MAST2: variants seen among roughly 807,000 people sequenced by gnomAD.
MAST2 encodes microtubule-associated serine/threonine-protein kinase 2.
Under a neutral mutation model 147.4 loss-of-function variants are expected in MAST2, and 70 were observed. The ratio of observed to expected loss-of-function variants is 0.47; its 90% CI spans 0.39 to 0.58. The LOEUF is 0.58. Ranked by LOEUF, MAST2 falls within the 20% of genes least tolerant of loss-of-function variation. The pLI, the probability that MAST2 is intolerant of heterozygous loss-of-function variation, is 0.00. For synonymous variants in MAST2, 869 were observed against 896.8 expected (o/e 0.97, Z 0.55); for missense variants, 2,080 against 2,302.3 (o/e 0.90, Z 1.98).
chr1:45,819,100 A>G (rs1570211866), intron 1 of MAST2, among the ~76,000 whole-genome samples: 1 of 152,056 alleles, frequency 6.6e-6, no homozygotes, highest in African/African-American at 2.4e-5. Flanking sequence ...CTAAAAATAC[A>G]AACTTAGCCA....
At chr1:45,915,327 A>G (rs1280145085) in intron 4 of MAST2, among the ~76,000 whole-genome samples, 2 of 152,156 alleles carry the variant, frequency 1.3e-5, no homozygotes, top group Admixed American at 1.3e-4. Context: ...TAGTTTGTAT[A>G]TCACCTTTTC....
intron 5 of MAST2, among the ~76,000 whole-genome samples, chr1:45,966,884 T>A (rs1661295459): frequency 7.8e-6 from 1 of 128,522 alleles, no homozygotes; most frequent in African/African-American, 3.1e-5. Flanking sequence ...TTTTTTTTTT[T>A]AAGGCAGGGT....
chr1:46,032,700 G>T lies in MAST2; in HGVS notation c.3519G>T (p.Val1173=). ...TGCATGGCCTGGTGCACACGGAGGT[G>T]GTAGAGCTGATCCTGAAGGTTAGTG... ...EPVHGLVHTE[V]VELILKSGNK... Residue 1173 remains valine, a synonymous_variant, in exon 26 of 29, where the codon GTG becomes GTT. Transcript: ENST00000361297. 6.2e-7 allele frequency: 1 copy of T among 1,613,884 alleles called. No individual in the cohort carries two copies. Among genetic ancestry groups the T allele is most frequent in the Non-Finnish European group, 8.5e-7 (1 of 1,179,838 alleles).
chr1:45,812,133 G>C (rs1644321735), intron 1 of MAST2, among the ~76,000 whole-genome samples: 1 of 152,150 alleles, frequency 6.6e-6, no homozygotes, highest in South Asian at 2.1e-4. Flanking sequence ...TGGAGGATAG[G>C]ATGCAGGACA....
chr1:45,923,688 G>T (rs1056006250), intron 4 of MAST2, among the ~76,000 whole-genome samples: 1 of 152,142 alleles, frequency 6.6e-6, no homozygotes, highest in Admixed American at 6.5e-5. Context: ...CTCCATCTGA[G>T]ATATTTTCAT....
At chr1:45,991,990 A>T (rs1283003524) in intron 5 of MAST2, among the ~76,000 whole-genome samples, 1 of 152,010 alleles carries the variant, frequency 6.6e-6, no homozygotes, top group African/African-American at 2.4e-5. Flanking sequence ...CAGCCTCCGA[A>T]AGTGCCAGGA....
At chr1:45,985,233 C>T (rs2149081923) in intron 5 of MAST2, among the ~76,000 whole-genome samples, 1 of 151,770 alleles carries the variant, frequency 6.6e-6, no homozygotes, top group South Asian at 2.1e-4. Context: ...CCTGCCACTA[C>T]ATCCTGCTAA....
rs150260548 is a variant in MAST2 at position 45,901,541 on chromosome 1, G to A, written c.500+19146G>A. ...GGTTTTTTCTGATTCTGTGAAAAAC[G>A]ACATTGGTAATTTGATTAAAATTGC... On this transcript the variant is annotated intron_variant, in intron 4 of 28. Coordinates refer to ENST00000361297, the MANE Select transcript of MAST2 (RefSeq NM_015112.3). 5.6e-4 allele frequency among the ~76,000 whole-genome samples: 86 copies of A among 152,224 alleles called. No homozygotes were observed. In the East Asian group the frequency reaches 0.013, roughly 23 times the overall value.
intron 3 of MAST2, among the ~76,000 whole-genome samples, chr1:45,848,350 T>C (rs1221358829): frequency 6.6e-6 from 1 of 152,224 alleles, no homozygotes; most frequent in Non-Finnish European, 1.5e-5. Flanking sequence ...ATGTGATTTA[T>C]GCTGAACATT....
intron 4 of MAST2, among the ~76,000 whole-genome samples, chr1:45,895,847 A>G (rs1459498353): frequency 6.6e-6 from 1 of 152,224 alleles, no homozygotes; most frequent in Non-Finnish European, 1.5e-5. Context: ...TTAACACTGC[A>G]CATGTCTATG....
At chr1:45,967,144 G>T (rs1245357112) in intron 5 of MAST2, among the ~76,000 whole-genome samples, 1 of 151,750 alleles carries the variant, frequency 6.6e-6, no homozygotes, top group Admixed American at 6.6e-5. Flanking sequence ...TGCGATCTTG[G>T]GTCACTGCAA....
At chr1:45,992,130 T>TA (rs371475806) in intron 5 of MAST2, among the ~76,000 whole-genome samples, 13 of 152,260 alleles carry the variant, frequency 8.5e-5, no homozygotes, top group African/African-American at 3.1e-4. Context: ...GGAGAAAAAA[T>TA]ACCCGGATTC....
At chr1:45,942,146 C>CT (rs35794621) in intron 4 of MAST2, among the ~76,000 whole-genome samples, 1,810 of 143,448 alleles carry the variant, frequency 0.013, 18 homozygotes, top group African/African-American at 0.026. Flanking sequence ...TAGTGGGTTT[C>CT]TTTTTTTTTT....
chr1:45,834,040 T>C (rs2147850834), intron 3 of MAST2, among the ~76,000 whole-genome samples: 1 of 152,262 alleles, frequency 6.6e-6, no homozygotes, highest in East Asian at 1.9e-4. Context: ...GGAATAAACC[T>C]CAGTGTCTAC....
intron 5 of MAST2, among the ~76,000 whole-genome samples, chr1:45,987,639 CTT>C (rs1390454694): frequency 6.6e-6 from 1 of 151,888 alleles, no homozygotes; most frequent in African/African-American, 2.4e-5. Flanking sequence ...CATTTTCTCT[CTT>C]GTTTTCCAGT....
chr1:45,963,722 C>G (rs1375797478), intron 5 of MAST2, among the ~76,000 whole-genome samples: 1 of 152,176 alleles, frequency 6.6e-6, no homozygotes, highest in African/African-American at 2.4e-5. Context: ...GACAATTTGA[C>G]TTCCTCTTTT....
At chr1:45,930,867 A>AGAG (rs1366844822) in intron 4 of MAST2, among the ~76,000 whole-genome samples, 2 of 152,148 alleles carry the variant, frequency 1.3e-5, no homozygotes, top group Non-Finnish European at 2.9e-5. Context: ...AATATGTGAC[A>AGAG]GAGACCACAT....
chr1:46,019,292 C>T (rs1646085828), intron 10 of MAST2, among the ~76,000 whole-genome samples: 1 of 152,078 alleles, frequency 6.6e-6, no homozygotes, highest in African/African-American at 2.4e-5. Flanking sequence ...GTGAAGGCAC[C>T]ATTGAGAGCT....
chr1:45,892,345 T>G (rs1194684234), intron 4 of MAST2, among the ~76,000 whole-genome samples: 1 of 152,204 alleles, frequency 6.6e-6, no homozygotes, highest in Non-Finnish European at 1.5e-5. Flanking sequence ...ACTCAATTGT[T>G]AAGAGTTATA....
Sources: gnomAD v4.1 joint callset for allele counts (sites outside exome capture counted in the v4.1 genomes callset) on GRCh38, gnomAD v4.1.1 for gene constraint, MANE v1.5 for transcripts, NCBI Gene and HGNC (gene_info 2026-07-23, HGNC 2026-07-21) for gene names.